TTC39A: variants seen among roughly 807,000 people sequenced by gnomAD.
The protein encoded by TTC39A is tetratricopeptide repeat protein 39A.
A neutral mutation model predicts 82.3 loss-of-function variants in TTC39A; 46 were observed. The observed-to-expected ratio is 0.56, with a 90% CI of 0.44 to 0.71. TTC39A has a LOEUF of 0.71. Ranked by LOEUF, TTC39A falls within the 30% of genes least tolerant of loss-of-function variation. The pLI, the probability that TTC39A is intolerant of heterozygous loss-of-function variation, is 0.00. For missense variants in TTC39A, 543 were observed against 712.9 expected (o/e 0.76, Z 2.71); for synonymous variants, 254 against 275.2 (o/e 0.92, Z 0.76).
intron 2 of TTC39A, among the ~76,000 whole-genome samples, chr1:51,320,913 C>G (rs1645492680): frequency 6.9e-6 from 1 of 145,894 alleles, no homozygotes; most frequent in Non-Finnish European, 1.5e-5. Context: ...TGCTCTGTCA[C>G]CCAAGCTGGA....
chr1:51,336,561 C>G (rs1645977547), intron 1 of TTC39A, among the ~76,000 whole-genome samples: 1 of 152,116 alleles, frequency 6.6e-6, no homozygotes, highest in Non-Finnish European at 1.5e-5. Context: ...AAAAAGGGGT[C>G]AGAGCTCTAA....
At position 51,330,288 on chromosome 1, in the gene TTC39A, G is replaced by A; in HGVS notation, c.41+149C>T. ...TGCCCCCACTCCTGGCAGCGGCGGC[G>A]GCTGCCAGGGGCCGGGCGGGGTGGG... On this transcript the variant is annotated intron_variant, in intron 1 of 17. Transcript: ENST00000680483. This position sits in a 1 kb window ranked among gnomAD's most constrained non-coding sequence, Gnocchi z 4.5. 1.1e-6 allele frequency: 1 copy of A among 933,852 alleles called. No homozygotes were observed. Among genetic ancestry groups the A allele is most frequent in the Non-Finnish European group, 1.3e-6 (1 of 783,504 alleles). The allele number at this position is 933,852 out of a possible 1,614,324, so 57.8% of individuals were successfully genotyped here. A position where few individuals can be genotyped will look rare whatever the true frequency, so the allele number is the denominator to read the frequency against.
At chr1:51,293,316 C>T (rs551062754) in intron 14 of TTC39A, among the ~76,000 whole-genome samples, 1 of 152,314 alleles carries the variant, frequency 6.6e-6, no homozygotes, top group Admixed American at 6.5e-5. Flanking sequence ...ATCTGCCTGC[C>T]TTAGCCTCCC....
chr1:51,303,074 G>A lies in TTC39A; in HGVS notation c.763+10C>T. The A allele has an allele frequency of 6.3e-7, 1 of 1,579,072 alleles. No individual in the cohort carries two copies. The highest frequency in any genetic ancestry group is 8.6e-7 in the Non-Finnish European group (1 of 1,162,728). ...AAACCCCAGGGCCCCAGGTCCCCCT[G>A]TACACCTACCGAGCACGAAGGTGAG... is the stretch of plus-strand genomic sequence containing the variant. On this transcript the variant is annotated intron_variant, in intron 9 of 17. Coordinates refer to ENST00000680483, the MANE Select transcript of TTC39A (RefSeq NM_001297663.2).
At chr1:51,311,437 C>G in intron 4 of TTC39A, 116 bp from the exon 5 acceptor site, 1 of 874,084 alleles carries the variant, frequency 1.1e-6, no homozygotes, top group African/African-American at 1.7e-5. Context: ...CAGCACCTCT[C>G]CTGTCCCCTA....
At chr1:51,334,032 T>C (rs534705106), upstream of TTC39A, among the ~76,000 whole-genome samples, 17 of 152,188 alleles carry the variant, frequency 1.1e-4, no homozygotes, top group South Asian at 3.5e-3. Flanking sequence ...GGAAATAATA[T>C]TGCCGACTTC....
chr1:51,302,721 G>C (rs986800239), intron 9 of TTC39A, 148 bp from the exon 10 acceptor site: 6 of 891,258 alleles, frequency 6.7e-6, no homozygotes, highest in Non-Finnish European at 1.1e-5. Context: ...GTGACATGAG[G>C]ATTAAATAAG....
intron 1 of TTC39A, chr1:51,325,717 G>A (rs2148295152): frequency 6.6e-6 from 1 of 152,354 alleles, no homozygotes; most frequent in East Asian, 1.9e-4. Context: ...GCCCCAGAAA[G>A]TCAAGCCCAT....
At chr1:51,304,073 C>T (rs1644781984) in intron 8 of TTC39A, among the ~76,000 whole-genome samples, 1 of 152,120 alleles carries the variant, frequency 6.6e-6, no homozygotes, top group Non-Finnish European at 1.5e-5. Flanking sequence ...AGGAGAAATC[C>T]CCAGTCCTTT....
chr1:51,313,598 C>T lies in TTC39A; in HGVS notation c.147-655G>A, dbSNP rs573005314. Among the ~76,000 whole-genome samples, 3 of 152,292 alleles carry T rather than the reference C, an allele frequency of 2.0e-5. No homozygotes were observed. The South Asian group carries it at 6.2e-4, about 32-fold the overall frequency. On this transcript the variant is annotated intron_variant, in intron 2 of 17. Coordinates refer to ENST00000680483, the MANE Select transcript of TTC39A (RefSeq NM_001297663.2). ...CTCCTCACCCACCCCCATCTGGTCA[C>T]ATTCAAGATTGCACCCCCAGCCACA... is the stretch of plus-strand genomic sequence containing the variant.
At chr1:51,289,661 C>T (rs183043011) in intron 16 of TTC39A, among the ~76,000 whole-genome samples, 4 of 152,322 alleles carry the variant, frequency 2.6e-5, no homozygotes, top group East Asian at 3.9e-4. Context: ...ATGGCCCTGA[C>T]GAGCCTTGGT....
intron 8 of TTC39A, 22 bp downstream of exon 8, chr1:51,305,059 G>T (rs1046282089): frequency 1.2e-6 from 2 of 1,612,730 alleles, no homozygotes; most frequent in African/African-American, 2.7e-5. Flanking sequence ...CAGGTCAGGG[G>T]TGCTAGGAGG....
Position 51,312,154 on chromosome 1 carries a change from A to G in TTC39A, c.320T>C (p.Leu107Pro). 6.2e-7 allele frequency: 1 copy of G among 1,611,454 alleles called. No homozygotes were observed. Among genetic ancestry groups the G allele is most frequent in the Non-Finnish European group, 8.5e-7 (1 of 1,178,952 alleles). Reference sequence around the variant, plus strand: ...TTGGCCCAGCGTGGGGCGGTTCACCAGGCTGCTGAAGGAATCTGTTACAGA... The same window carrying G: ...TTGGCCCAGCGTGGGGCGGTTCACCGGGCTGCTGAAGGAATCTGTTACAGA... ...KSSVTDSFSSLVNRPTLGQFT... is the reference protein window; with the variant it reads ...KSSVTDSFSSPVNRPTLGQFT... The change falls in exon 4 of 18, where the codon CTG becomes CCG. Residue 107 changes from leucine (L) to proline (P), a missense_variant. Transcript: ENST00000680483.
intron 5 of TTC39A, among the ~76,000 whole-genome samples, chr1:51,310,704 G>C (rs961450872): frequency 1.3e-5 from 2 of 152,200 alleles, no homozygotes; most frequent in African/African-American, 4.8e-5. Flanking sequence ...AACTTCGTCA[G>C]ACCTAGGTTC....
chr1:51,342,378 A>G (rs1646047719), intron 1 of TTC39A, among the ~76,000 whole-genome samples: 1 of 152,224 alleles, frequency 6.6e-6, no homozygotes, highest in South Asian at 2.1e-4. Flanking sequence ...AGTGACTGTT[A>G]GGTCCTTTAC....
chr1:51,314,522 T>C (rs1042793004), intron 2 of TTC39A, among the ~76,000 whole-genome samples: 2 of 152,200 alleles, frequency 1.3e-5, no homozygotes, highest in African/African-American at 4.8e-5. Flanking sequence ...TTCCTGTTCA[T>C]AAAACACTCA....
At chr1:51,311,145 T>G (rs1037190842) in intron 5 of TTC39A, 109 bp downstream of exon 5, 24 of 1,033,806 alleles carry the variant, frequency 2.3e-5, no homozygotes, top group Non-Finnish European at 2.9e-5. Flanking sequence ...GGATGAGTCG[T>G]GGTTGCTATG....
intron 12 of TTC39A, 73 bp from the exon 13 acceptor site, chr1:51,296,243 G>A (rs543720181): frequency 4.2e-6 from 6 of 1,444,172 alleles, no homozygotes; most frequent in East Asian, 2.5e-5. Context: ...ATCTGCAGAC[G>A]GACCTCACGT....
At chr1:51,322,669 C>T (rs1483130342) in intron 1 of TTC39A, among the ~76,000 whole-genome samples, 1 of 152,120 alleles carries the variant, frequency 6.6e-6, no homozygotes, top group East Asian at 1.9e-4. Context: ...TCAGCTTTCC[C>T]ATATAAAAAT....
Sources: gnomAD v4.1 joint callset for allele counts (sites outside exome capture counted in the v4.1 genomes callset) on GRCh38, gnomAD v4.1.1 for gene constraint, Gnocchi (gnomAD v3.1) non-coding constraint, MANE v1.5 for transcripts, NCBI Gene and HGNC (gene_info 2026-07-23, HGNC 2026-07-21) for gene names.